COL6A6: variants seen among roughly 807,000 people sequenced by gnomAD.
COL6A6 encodes collagen type VI alpha 6 chain.
A neutral mutation model predicts 208.6 loss-of-function variants in COL6A6; 183 were observed. The ratio of observed to expected loss-of-function variants is 0.88; its 90% CI spans 0.78 to 0.99. COL6A6 has a LOEUF of 0.99. COL6A6 is among the 50% of genes least tolerant of loss of function. The pLI is 0.00. For synonymous variants in COL6A6, 973 were observed against 1,011.8 expected, an observed-to-expected ratio of 0.96 and a Z score of 0.73; for missense variants, 2,816 against 2,815.2, an observed-to-expected ratio of 1.00 and a Z score of -0.01.
intron 1 of COL6A6, among the ~76,000 whole-genome samples, chr3:130,543,593 T>G (rs2062425265): frequency 6.6e-6 from 1 of 152,214 alleles, no homozygotes; most frequent in Non-Finnish European, 1.5e-5. Context: ...CAAATAACAC[T>G]TATACTGCTT....
In COL6A6 at chr3:130,574,368, C is replaced by T. The variant is rs760211433; in HGVS notation, c.3390C>T (p.Ile1130=). The T allele has an allele frequency of 1.2e-5, 20 of 1,613,910 alleles. No homozygotes were observed. In the Middle Eastern group the frequency reaches 4.9e-4, roughly 40 times the overall value. The change falls in exon 8 of 37, where the codon ATC becomes ATT. Residue 1130 remains isoleucine, a synonymous_variant. Transcript: ENST00000358511. The stretch of plus-strand genomic sequence containing the variant: ...CGGAAGCCCTGAGACACAGAGGTAT[C>T]GACATCTACTCCGTGGGCATTGGGG... The part of the protein sequence containing the change: ...QAAEALRHRG[I]DIYSVGIGDV...
chr3:130,563,033 GT>G, intron 2 of COL6A6, 34 bp from the exon 3 acceptor site: 1 of 1,496,140 alleles, frequency 6.7e-7, no homozygotes, highest in Non-Finnish European at 9.0e-7. Flanking sequence ...ATTTTTTAAA[GT>G]TTTTGGTTCG....
intron 1 of COL6A6, among the ~76,000 whole-genome samples, chr3:130,531,371 A>G (rs1230240298): frequency 6.6e-6 from 1 of 152,116 alleles, no homozygotes; most frequent in African/African-American, 2.4e-5. Context: ...AATCAAAAAT[A>G]TTTCCAGACA....
intron 28 of COL6A6, among the ~76,000 whole-genome samples, chr3:130,640,606 AT>A (rs2065279896): frequency 6.6e-6 from 1 of 152,198 alleles, no homozygotes; most frequent in Non-Finnish European, 1.5e-5. Context: ...TTTAAACTTC[AT>A]TTTTTATTCC....
At chr3:130,571,842 ATT>A (rs67080729) in intron 7 of COL6A6, among the ~76,000 whole-genome samples, 1 of 110,852 alleles carries the variant, frequency 9.0e-6, no homozygotes, top group Non-Finnish European at 1.7e-5. Context: ...GGCATGGCTA[ATT>A]TTTTTTTTTT....
intron 24 of COL6A6, among the ~76,000 whole-genome samples, chr3:130,623,274 A>G (rs1418850542): frequency 1.3e-5 from 2 of 152,160 alleles, no homozygotes; most frequent in African/African-American, 2.4e-5. Flanking sequence ...CCTGGCCAAC[A>G]TGGTGAAACC....
chr3:130,570,935 A>T lies in COL6A6; in HGVS notation c.2519A>T (p.Asp840Val), dbSNP rs768830843. The part of the protein sequence containing the change: ...DFMIGLVKKA[D>V]VGKNQVRFGA... ...ATGATTGGCTTAGTGAAAAAAGCTGATGTGGGCAAGAATCAGGTCCGGTTT... is the reference window on the plus strand; with the variant it reads ...ATGATTGGCTTAGTGAAAAAAGCTGTTGTGGGCAAGAATCAGGTCCGGTTT... Residue 840 changes from aspartate to valine, a missense_variant, in exon 7 of 37, where the codon GAT becomes GTT. Asp to Val is a radical substitution (Grantham distance 152, BLOSUM62 -3). Transcript: ENST00000358511. The T allele has an allele frequency of 6.2e-7, 1 of 1,614,016 alleles. No individual in the cohort carries two copies. Among genetic ancestry groups the T allele is most frequent in the Non-Finnish European group, 8.5e-7 (1 of 1,179,894 alleles).
chr3:130,614,844 G>A (rs184260404), intron 23 of COL6A6, among the ~76,000 whole-genome samples: 6 of 152,060 alleles, frequency 3.9e-5, no homozygotes, highest in Non-Finnish European at 5.9e-5. Context: ...ATTTCTGTGG[G>A]GTCAGTGGTA....
intron 7 of COL6A6, 130 bp from the exon 8 acceptor site, chr3:130,573,826 C>T (rs2063224928): frequency 1.6e-6 from 1 of 637,246 alleles, no homozygotes; most frequent in African/African-American, 1.8e-5. Flanking sequence ...GCCTCGGCCT[C>T]CCAAAGTGCT....
chr3:130,651,556 T>C (rs1576401104), intron 33 of COL6A6, among the ~76,000 whole-genome samples: 1 of 152,076 alleles, frequency 6.6e-6, no homozygotes, highest in East Asian at 1.9e-4. Context: ...CTATTATTAA[T>C]AGTAGCATCA....
At chr3:130,604,001 T>C (rs1246671922) in intron 20 of COL6A6, among the ~76,000 whole-genome samples, 1 of 152,194 alleles carries the variant, frequency 6.6e-6, no homozygotes, top group Non-Finnish European at 1.5e-5. Context: ...TAAAGATAAG[T>C]CAGGTTATCT....
At chr3:130,526,904 G>T (rs1577598968) in intron 1 of COL6A6, among the ~76,000 whole-genome samples, 1 of 152,228 alleles carries the variant, frequency 6.6e-6, no homozygotes, top group Non-Finnish European at 1.5e-5. Context: ...TTACTTGAAT[G>T]AAGGCATGAA....
At chr3:130,644,537 T>C (rs1047091271) in intron 31 of COL6A6, among the ~76,000 whole-genome samples, 3 of 152,184 alleles carry the variant, frequency 2.0e-5, no homozygotes, top group East Asian at 1.9e-4. Flanking sequence ...AATATGCATA[T>C]AATATACATA....
At chr3:130,584,681 C>A (rs2108021368) in intron 10 of COL6A6, among the ~76,000 whole-genome samples, 1 of 152,044 alleles carries the variant, frequency 6.6e-6, no homozygotes, top group East Asian at 1.9e-4. Context: ...GTGGTGCCAT[C>A]TCGGCTCACT....
chr3:130,650,493 C>T (rs2065607403), intron 33 of COL6A6, among the ~76,000 whole-genome samples: 1 of 151,956 alleles, frequency 6.6e-6, no homozygotes, highest in African/African-American at 2.4e-5. Flanking sequence ...CGATGGCAGG[C>T]ACCTGTAATC....
At chr3:130,576,784 A>C (rs1055832957) in intron 8 of COL6A6, among the ~76,000 whole-genome samples, 2 of 152,202 alleles carry the variant, frequency 1.3e-5, no homozygotes, top group African/African-American at 4.8e-5. Context: ...AACACTGATA[A>C]AGCTTCAAAG....
chr3:130,604,367 C>G (rs541861791), intron 20 of COL6A6, among the ~76,000 whole-genome samples: 1 of 152,086 alleles, frequency 6.6e-6, no homozygotes, highest in African/African-American at 2.4e-5. Context: ...TGGTGGCGGG[C>G]GCCTGTAGTC....
intron 1 of COL6A6, among the ~76,000 whole-genome samples, chr3:130,542,472 G>A (rs1298387569): frequency 1.3e-5 from 2 of 152,102 alleles, no homozygotes. Flanking sequence ...TGTTCCATGT[G>A]AGCTTGAGAA....
rs1041321160 is a variant in COL6A6 at position 130,594,396 on chromosome 3, C to G, written c.4533+53C>G. 3 of 1,375,130 alleles carry G rather than the reference C, an allele frequency of 2.2e-6. No homozygotes were observed. In the African/African-American group the frequency reaches 4.3e-5, roughly 20 times the overall value. The allele number at this position is 1,375,130 out of a possible 1,614,324, so 85.2% of individuals were successfully genotyped here. On this transcript the variant is annotated intron_variant, in intron 18 of 36. Coordinates refer to ENST00000358511, the MANE Select transcript of COL6A6 (RefSeq NM_001102608.3). ...TAGGGCTTGATTCCCATCCGTACTTCTGATAGGGAGTCTCGATTTCAAGGT... is the reference window on the plus strand; with the variant it reads ...TAGGGCTTGATTCCCATCCGTACTTGTGATAGGGAGTCTCGATTTCAAGGT...
Sources: gnomAD v4.1 joint callset for allele counts (sites outside exome capture counted in the v4.1 genomes callset) on GRCh38, gnomAD v4.1.1 for gene constraint, MANE v1.5 for transcripts, NCBI Gene and HGNC (gene_info 2026-07-23, HGNC 2026-07-21) for gene names.